Variants in ADPRHL1 observed in about 807,000 individuals in gnomAD.
ADPRHL1 encodes the protein inactive ADP-ribosyltransferase ARH2.
Under a neutral mutation model 44.1 loss-of-function variants are expected in ADPRHL1, and 43 were observed. The ratio of observed to expected loss-of-function variants is 0.98; its 90% CI spans 0.76 to 1.26. The LOEUF is 1.26. Ranked by LOEUF, ADPRHL1 falls within the 50% of genes most tolerant of loss-of-function variation. The pLI is 0.00. For synonymous variants in ADPRHL1, 878 were observed against 1,017.4 expected (o/e 0.86, Z 2.61); for missense variants, 2,022 against 2,496.9 (o/e 0.81, Z 4.05).
rs986890457 is a variant in ADPRHL1 at position 113,452,156 on chromosome 13, C to T, written c.214+1068G>A. The stretch of plus-strand genomic sequence containing the variant: ...TGTGGGGTGCACCTGTTCTGGGCTG[C>T]GGGGCACAAGCATGGGGTTGCTGGT... On this transcript the variant is annotated intron_variant, in intron 1 of 7. Transcript: ENST00000612156. Among the ~76,000 whole-genome samples, 6 of 152,144 alleles carry T rather than the reference C, an allele frequency of 3.9e-5. No homozygotes were observed. In the East Asian group the frequency reaches 7.7e-4, roughly 20 times the overall value.
intron 7 of ADPRHL1, among the ~76,000 whole-genome samples, chr13:113,419,555 C>T (rs1385188389): frequency 6.6e-6 from 1 of 152,052 alleles, no homozygotes; most frequent in Non-Finnish European, 1.5e-5. Context: ...TACAGCATCG[C>T]TGCGCTGTAG....
At chr13:113,431,302 T>C (rs2044005267) in intron 3 of ADPRHL1, among the ~76,000 whole-genome samples, 1 of 152,178 alleles carries the variant, frequency 6.6e-6, no homozygotes, top group Non-Finnish European at 1.5e-5. Context: ...ACATGGAGCA[T>C]GGTTGCCCGT....
intron 2 of ADPRHL1, among the ~76,000 whole-genome samples, chr13:113,438,037 G>A (rs1328406437): frequency 6.6e-6 from 1 of 152,110 alleles, no homozygotes; most frequent in Non-Finnish European, 1.5e-5. Flanking sequence ...CACCTTGTTG[G>A]CCAGGCTGGT....
At position 113,444,590 on chromosome 13, in the gene ADPRHL1, C is replaced by G. The variant is rs375112372; in HGVS notation, c.215-1G>C. ...TACAGATCATCCAGGCACCAGTAGTCTGCGGAAGAAAGGGAGGGCAGACAT... is the reference window on the plus strand; with the variant it reads ...TACAGATCATCCAGGCACCAGTAGTGTGCGGAAGAAAGGGAGGGCAGACAT... On this transcript the variant is annotated splice_acceptor_variant, in intron 1 of 7. Coordinates refer to ENST00000612156, the MANE Select transcript of ADPRHL1 (RefSeq NM_001394807.1). LOFTEE classifies it high-confidence loss of function. The G allele has an allele frequency of 3.1e-6, 5 of 1,612,788 alleles. No individual in the cohort carries two copies. The African/African-American group carries it at 6.7e-5, about 22-fold the overall frequency.
intron 7 of ADPRHL1, chr13:113,410,098 G>C: frequency 1.0e-6 from 1 of 985,394 alleles, no homozygotes. Flanking sequence ...TGACCACGTA[G>C]CCGTGTTGCC....
At chr13:113,449,646 T>G (rs2044166533) in intron 1 of ADPRHL1, among the ~76,000 whole-genome samples, 1 of 152,252 alleles carries the variant, frequency 6.6e-6, no homozygotes, top group Non-Finnish European at 1.5e-5. Flanking sequence ...AGACCTGTGC[T>G]CACTCTAGCA....
intron 7 of ADPRHL1, among the ~76,000 whole-genome samples, chr13:113,419,042 T>G (rs2043901620): frequency 1.3e-5 from 2 of 150,058 alleles, no homozygotes; most frequent in Admixed American, 6.6e-5. Context: ...TCCCCTCCCC[T>G]TCCCTTCCTT....
At chr13:113,411,929 G>A (rs1006260241) in intron 7 of ADPRHL1, among the ~76,000 whole-genome samples, 28 of 152,150 alleles carry the variant, frequency 1.8e-4, no homozygotes, top group South Asian at 6.2e-4. Flanking sequence ...GCCCCTTCTC[G>A]TCACAAAGTC....
In ADPRHL1 at chr13:113,444,548, A is replaced by G. The variant is rs902637862; in HGVS notation, c.256T>C (p.Cys86Arg). ...LDDLYREMVRCYVEIVEKLPE... is the reference protein window; with the variant it reads ...LDDLYREMVRRYVEIVEKLPE... ...AGCTTCTCAACGATTTCCACATAGC[A>G]TCTCACCATCTCCCGGTACAGATCA... The change falls in exon 2 of 8, where the codon TGC (cysteine) becomes CGC (arginine). Residue 86 changes from cysteine to arginine, a missense_variant. Around this residue, in one of 8 missense-constraint regions of ADPRHL1, gnomAD observed 437 missense variants for 430.7 expected, o/e 1.01. Transcript: ENST00000612156. 6.2e-7 allele frequency: 1 copy of G among 1,614,154 alleles called. No homozygotes were observed. Among genetic ancestry groups the G allele is most frequent in the South Asian group, 1.1e-5 (1 of 91,078 alleles).
intron 1 of ADPRHL1, among the ~76,000 whole-genome samples, chr13:113,452,769 T>C (rs751799576): frequency 6.6e-6 from 1 of 152,182 alleles, no homozygotes; most frequent in Non-Finnish European, 1.5e-5. Flanking sequence ...TATTAATGGG[T>C]TCACATTTCA....
At chr13:113,424,494 C>T (rs1475649063) in intron 5 of ADPRHL1, 145 bp from the exon 6 acceptor site, 20 of 1,175,370 alleles carry the variant, frequency 1.7e-5, no homozygotes, top group Non-Finnish European at 2.1e-5. Flanking sequence ...TGGCTCTGTC[C>T]CCCAGGTTGG....
At position 113,405,276 on chromosome 13, in the gene ADPRHL1, G is replaced by C. The variant is rs1255982234; in HGVS notation, c.4006C>G (p.Pro1336Ala). ...GGGGGCAGGTGTGCCTGTAGATGGGGAGGGCCCCGCTGGTGGGTGCCACCT... is the reference window on the plus strand; with the variant it reads ...GGGGGCAGGTGTGCCTGTAGATGGGCAGGGCCCCGCTGGTGGGTGCCACCT... ...WVGGTHQRGP[P>A]HLQAHLPPTA... The change falls in exon 8 of 8, where the codon CCC becomes GCC. Residue 1336 changes from proline to alanine, a missense_variant. By Grantham distance (27) the Pro-to-Ala change is conservative. Transcript: ENST00000612156. The C allele has an allele frequency of 3.2e-6, 4 of 1,231,804 alleles. No individual in the cohort carries two copies. Among genetic ancestry groups the C allele is most frequent in the Non-Finnish European group, 4.0e-6 (4 of 988,134 alleles). 76.3% of individuals were successfully genotyped at this position (1,231,804 alleles called of 1,614,324 possible). A position where few individuals can be genotyped will look rare whatever the true frequency, so the allele number is the denominator to read the frequency against.
At chr13:113,442,350 G>A (rs979047320) in intron 2 of ADPRHL1, among the ~76,000 whole-genome samples, 5 of 152,218 alleles carry the variant, frequency 3.3e-5, no homozygotes, top group African/African-American at 1.2e-4. Flanking sequence ...ATCTATGTGG[G>A]AGGCTGAGGC....
chr13:113,430,728 G>A (rs2044000789), intron 3 of ADPRHL1, among the ~76,000 whole-genome samples: 1 of 148,522 alleles, frequency 6.7e-6, no homozygotes, highest in Admixed American at 6.7e-5. Flanking sequence ...TGGCGGGGGT[G>A]GCAGTGGCAC....
rs1566463770 is a variant in ADPRHL1, at chr13:113,405,504, CTG to C, written c.3776_3777del (p.Thr1259ArgfsTer8). On this transcript the variant is annotated frameshift_variant, in exon 8 of 8. Coordinates refer to ENST00000612156, the MANE Select transcript of ADPRHL1 (RefSeq NM_001394807.1). LOFTEE classifies it low-confidence loss of function (END_TRUNC). ...AVEGNLLGFS[T>X]ESGIPASDHP... ...TGATCAGAAGCAGGAATTCCAGACT[CTG>C]TGCTGAAACCCAAAAGGTTTCCTTC... 1 of 1,232,028 alleles carries C rather than the reference CTG, an allele frequency of 8.1e-7. No individual in the cohort carries two copies. The allele number at this position is 1,232,028 out of a possible 1,614,324, so 76.3% of individuals were successfully genotyped here. A position where few individuals can be genotyped will look rare whatever the true frequency, so the allele number is the denominator to read the frequency against.
intron 2 of ADPRHL1, among the ~76,000 whole-genome samples, chr13:113,439,113 T>C (rs1421660899): frequency 1.3e-5 from 2 of 152,144 alleles, no homozygotes; most frequent in Non-Finnish European, 2.9e-5. Context: ...GAAATTCTCT[T>C]TCCTTTTTTT....
chr13:113,405,158 G>A lies in ADPRHL1; in HGVS notation c.4124C>T (p.Ala1375Val), dbSNP rs1047825262. 23 of 1,231,934 alleles carry A rather than the reference G, an allele frequency of 1.9e-5. No homozygotes were observed. The highest frequency in any genetic ancestry group is 4.6e-5 in the African/African-American group (3 of 64,552). The allele number at this position is 1,231,934 out of a possible 1,614,324, so 76.3% of individuals were successfully genotyped here. ...GESQERPLTQ[A>V]DLGRQQSHQA... ...GTGACTCTGTTGCCTCCCCAGGTCC[G>A]CCTGTGTCAGGGGACGCTCCTGGGA... The change falls in exon 8 of 8, where the codon GCG (alanine) becomes GTG (valine). Residue 1375 changes from alanine to valine, a missense_variant. Transcript: ENST00000612156.
intron 1 of ADPRHL1, chr13:113,449,374 G>C (rs1275569467): frequency 7.0e-6 from 2 of 287,730 alleles, no homozygotes; most frequent in Non-Finnish European, 1.0e-5. Flanking sequence ...CCGGAAGGAG[G>C]GACCCTGTTC....
chr13:113,403,521 C>T lies in ADPRHL1; in HGVS notation c.5761G>A (p.Glu1921Lys), dbSNP rs2043778982. ...CCGCGACGCTCGGGCTCCGATGCCTCCATCCTGTCCTGCAGGGCCCTCTCA... is the reference window on the plus strand; with the variant it reads ...CCGCGACGCTCGGGCTCCGATGCCTTCATCCTGTCCTGCAGGGCCCTCTCA... Reference protein sequence around the residue: ...GAERALQDRMEASEPERRGRS... With the variant: ...GAERALQDRMKASEPERRGRS... The change falls in exon 8 of 8, where the codon GAG becomes AAG. Residue 1921 changes from glutamate to lysine, a missense_variant. Physicochemically the swap from Glu to Lys is moderately conservative, Grantham distance 56. Transcript: ENST00000612156. 8.1e-7 allele frequency: 1 copy of T among 1,232,018 alleles called. No individual in the cohort carries two copies. The highest frequency in any genetic ancestry group is 1.6e-5 in the African/African-American group (1 of 64,500). 76.3% of individuals were successfully genotyped at this position (1,232,018 alleles called of 1,614,324 possible). A position where few individuals can be genotyped will look rare whatever the true frequency, so the allele number is the denominator to read the frequency against.
Sources: gnomAD v4.1 joint callset for allele counts (sites outside exome capture counted in the v4.1 genomes callset) on GRCh38, gnomAD v4.1.1 for gene constraint, gnomAD v4.1.1 regional missense constraint, MANE v1.5 for transcripts, NCBI Gene and HGNC (gene_info 2026-07-23, HGNC 2026-07-21) for gene names.